Variants in POU6F2 observed in about 807,000 individuals in gnomAD.
POU6F2 encodes the protein POU domain, class 6, transcription factor 2.
POU6F2 carries 31 observed loss-of-function variants against 71.3 expected under a neutral mutation model. The observed-to-expected ratio is 0.43, with a 90% CI of 0.33 to 0.59. The LOEUF (loss-of-function observed/expected upper bound fraction) is 0.59, where lower values mean the gene tolerates loss of function less well. Among genes scored for constraint, POU6F2 ranks in the 20% least tolerant of loss-of-function variants. The probability of loss-of-function intolerance (pLI) is 0.04; values close to 1 mark genes in which losing one functional copy is unlikely to be tolerated. For synonymous variants in POU6F2, 347 were observed against 355.7 expected, an observed-to-expected ratio of 0.98 and a Z score of 0.27; for missense variants, 783 against 856.8, an observed-to-expected ratio of 0.91 and a Z score of 1.07.
intron 1 of POU6F2, among the ~76,000 whole-genome samples, chr7:39,006,374 G>T (rs1789071227): frequency 6.6e-6 from 1 of 152,138 alleles, no homozygotes; most frequent in Non-Finnish European, 1.5e-5. Context: ...TGAGGCAGGA[G>T]AATTGCTTGA....
intron 4 of POU6F2, among the ~76,000 whole-genome samples, chr7:39,289,541 GA>G (rs1401215095): frequency 6.6e-6 from 1 of 151,850 alleles, no homozygotes; most frequent in Non-Finnish European, 1.5e-5. Context: ...ATTCAATTGT[GA>G]AAAATATTAG....
intron 4 of POU6F2, among the ~76,000 whole-genome samples, chr7:39,275,684 G>C (rs1784424140): frequency 6.6e-6 from 1 of 152,116 alleles, no homozygotes; most frequent in African/African-American, 2.4e-5. Flanking sequence ...AAACAGCATG[G>C]TACAGGTACC....
At chr7:39,055,651 T>C (rs1223070764) in intron 1 of POU6F2, among the ~76,000 whole-genome samples, 3 of 152,142 alleles carry the variant, frequency 2.0e-5, no homozygotes, top group African/African-American at 7.2e-5. Flanking sequence ...TTTTTTTCAT[T>C]TTGTGATCAG....
chr7:39,174,413 G>A (rs1264273233), intron 2 of POU6F2, among the ~76,000 whole-genome samples: 1 of 152,136 alleles, frequency 6.6e-6, no homozygotes, highest in East Asian at 1.9e-4. Flanking sequence ...GATCAGGACT[G>A]TTCTTAAGGG....
intron 1 of POU6F2, among the ~76,000 whole-genome samples, chr7:39,063,005 T>A (rs1214393555): frequency 6.6e-6 from 1 of 151,890 alleles, no homozygotes; most frequent in Non-Finnish European, 1.5e-5. Context: ...TGGAATGGGG[T>A]CAAAGTCACT....
In POU6F2 at chr7:38,992,323, T is replaced by C. The variant is rs542185308; in HGVS notation, c.105+14265T>C. Among the ~76,000 whole-genome samples the C allele has an allele frequency of 2.6e-5, 4 of 152,352 alleles. No homozygotes were observed. In the East Asian group the frequency reaches 5.8e-4, roughly 22 times the overall value. On this transcript the variant is annotated intron_variant, in intron 1 of 9. Coordinates refer to ENST00000518318, the MANE Select transcript of POU6F2 (RefSeq NM_001370959.1). ...CAGAGTGTATAAATGAGGCTATCCT[T>C]GAAAACAGTCATTTTCTATTTTCAT...
At chr7:39,225,331 A>G (rs765182959) in intron 4 of POU6F2, among the ~76,000 whole-genome samples, 41 of 152,226 alleles carry the variant, frequency 2.7e-4, no homozygotes, top group Non-Finnish European at 4.4e-4. Flanking sequence ...GGGCTGTTTT[A>G]TAATACATTT....
intron 6 of POU6F2, 28 bp from the exon 7 acceptor site, chr7:39,433,049 G>C (rs1367110629): frequency 1.2e-6 from 2 of 1,610,202 alleles, no homozygotes; most frequent in Admixed American, 1.7e-5. Context: ...CACCGAGCCA[G>C]CTCCTCACCT....
rs200653142 is a variant in POU6F2 at position 39,085,810 on chromosome 7, A to G, written c.106-50A>G. The G allele has an allele frequency of 2.0e-3, 3,160 of 1,592,874 alleles. 6 individuals carry two copies. The highest frequency in any genetic ancestry group is 2.5e-3 in the Non-Finnish European group (2,880 of 1,166,278). On this transcript the variant is annotated intron_variant, in intron 1 of 9. Transcript: ENST00000518318. ...GAGGGAGAGAGAGGACACGCACTCT[A>G]AATCTGCCACTTTTTTTTTCCTCCC...
Position 39,284,484 on chromosome 7 carries a change from T to G in POU6F2, c.599-55158T>G, listed in dbSNP as rs567788803. Among the ~76,000 whole-genome samples the G allele has an allele frequency of 1.9e-3, 290 of 152,340 alleles. 1 individual carries two copies. The highest frequency in any genetic ancestry group is 3.2e-3 in the Non-Finnish European group (216 of 68,038). The stretch of plus-strand genomic sequence containing the variant: ...TGACAGGTTATTATAACTACTTTAA[T>G]GTACATATGACCAGCTGTCTGGAAA... On this transcript the variant is annotated intron_variant, in intron 4 of 9. Coordinates refer to ENST00000518318, the MANE Select transcript of POU6F2 (RefSeq NM_001370959.1).
At chr7:39,181,901 ATTT>A in intron 2 of POU6F2, among the ~76,000 whole-genome samples, 1 of 152,128 alleles carries the variant, frequency 6.6e-6, no homozygotes, top group East Asian at 1.9e-4. Flanking sequence ...CTCTCAGTTC[ATTT>A]CCCACCTCTT....
At chr7:39,185,843 ATG>A (rs1562738029) in intron 2 of POU6F2, among the ~76,000 whole-genome samples, 2 of 117,798 alleles carry the variant, frequency 1.7e-5, no homozygotes, top group Admixed American at 8.5e-5. Flanking sequence ...GTATATGTAT[ATG>A]TATATGTATG....
intron 4 of POU6F2, among the ~76,000 whole-genome samples, chr7:39,306,939 T>C (rs2128766010): frequency 1.3e-5 from 2 of 152,360 alleles, no homozygotes; most frequent in African/African-American, 4.8e-5. Flanking sequence ...TGGGCTTTAC[T>C]ATTGCAATCT....
intron 6 of POU6F2, among the ~76,000 whole-genome samples, chr7:39,418,320 T>C (rs904130304): frequency 1.3e-5 from 2 of 152,236 alleles, no homozygotes; most frequent in Non-Finnish European, 2.9e-5. Flanking sequence ...TTTGCATAAA[T>C]TCATCATTTC....
chr7:39,306,758 A>G (rs899887332), intron 4 of POU6F2, among the ~76,000 whole-genome samples: 3 of 152,200 alleles, frequency 2.0e-5, no homozygotes, highest in African/African-American at 7.2e-5. Context: ...AAGATATGCT[A>G]TTTGCATACG....
intron 6 of POU6F2, among the ~76,000 whole-genome samples, chr7:39,431,176 C>T (rs1788090281): frequency 6.6e-6 from 1 of 152,222 alleles, no homozygotes; most frequent in Admixed American, 6.5e-5. Context: ...TGCCACACTC[C>T]CTAGGGGACA....
At chr7:38,986,763 C>G (rs1198808834) in intron 1 of POU6F2, among the ~76,000 whole-genome samples, 1 of 152,122 alleles carries the variant, frequency 6.6e-6, no homozygotes, top group African/African-American at 2.4e-5. Context: ...CCACTCGCCA[C>G]AAATAACCAC....
At chr7:39,116,075 G>T (rs1416233771) in intron 2 of POU6F2, among the ~76,000 whole-genome samples, 3 of 152,112 alleles carry the variant, frequency 2.0e-5, no homozygotes, top group Non-Finnish European at 4.4e-5. Flanking sequence ...CCTGCACTCA[G>T]GGCAAGCTCC....
At chr7:39,260,081 C>T (rs554944635) in intron 4 of POU6F2, among the ~76,000 whole-genome samples, 1 of 151,730 alleles carries the variant, frequency 6.6e-6, no homozygotes, top group East Asian at 1.9e-4. Flanking sequence ...ACGATACACA[C>T]ACCACACGCA....
Sources: allele counts gnomAD v4.1 joint callset (sites outside exome capture counted in the v4.1 genomes callset), GRCh38; gene constraint gnomAD v4.1.1; transcripts MANE v1.5; gene names NCBI Gene and HGNC (gene_info 2026-07-23, HGNC 2026-07-21).